Variants in ITGB2 observed in about 807,000 individuals in gnomAD.
ITGB2 encodes the protein integrin beta-2.
Under a neutral mutation model 86.8 loss-of-function variants are expected in ITGB2, and 56 were observed. The ratio of observed to expected loss-of-function variants is 0.65; its 90% CI spans 0.52 to 0.81. The LOEUF (loss-of-function observed/expected upper bound fraction) is 0.81. Ranked by LOEUF, ITGB2 falls within the 30% of genes least tolerant of loss-of-function variation. The pLI is 0.00. For synonymous variants in ITGB2, 457 were observed against 450.4 expected (o/e 1.01, Z -0.19); for missense variants, 948 against 1,061.2 (o/e 0.89, Z 1.48).
At chr21:44,895,287 C>T (rs531332845) in intron 8 of ITGB2, among the ~76,000 whole-genome samples, 1 of 152,232 alleles carries the variant, frequency 6.6e-6, no homozygotes, top group East Asian at 1.9e-4. Flanking sequence ...TACCAGTACT[C>T]GGGAGGCCGA....
At chr21:44,915,084 C>T (rs1185658461) in intron 1 of ITGB2, among the ~76,000 whole-genome samples, 3 of 152,242 alleles carry the variant, frequency 2.0e-5, no homozygotes, top group Middle Eastern at 3.4e-3. Flanking sequence ...AGTGCAGTGG[C>T]GCGATCTCAG....
chr21:44,895,068 G>A lies in ITGB2; in HGVS notation c.994-8C>T. 6.2e-7 allele frequency: 1 copy of A among 1,607,408 alleles called. No homozygotes were observed. On this transcript the variant is annotated splice_polypyrimidine_tract_variant and splice_region_variant and intron_variant, in intron 8 of 15. Coordinates refer to ENST00000652462, the MANE Select transcript of ITGB2 (RefSeq NM_000211.5). ...GATGATCTCGGTGAGTTTCTGTTGG[G>A]CAAGAAGACCAGACATGGCACGGCT...
At chr21:44,888,652 G>T (rs764134210) in intron 14 of ITGB2, 41 bp downstream of exon 14, 1 of 1,596,148 alleles carries the variant, frequency 6.3e-7, no homozygotes, top group South Asian at 1.1e-5. Context: ...CCCGCAGCCG[G>T]AGCTCTGGAG....
At chr21:44,908,334 A>G (rs1033026524) in intron 3 of ITGB2, among the ~76,000 whole-genome samples, 1 of 152,084 alleles carries the variant, frequency 6.6e-6, no homozygotes, top group Non-Finnish European at 1.5e-5. Flanking sequence ...TTGGAAAGAA[A>G]CAGAAGTAAG....
chr21:44,900,051 G>A (rs1172614046), intron 7 of ITGB2, among the ~76,000 whole-genome samples: 2 of 152,208 alleles, frequency 1.3e-5, no homozygotes, highest in Non-Finnish European at 2.9e-5. Context: ...CCAGGTAGGG[G>A]GGCAGTGGGG....
chr21:44,886,831 G>A lies in ITGB2; in HGVS notation c.2152C>T (p.Leu718Phe). ...TVAGIVLIGI[L>F]LLVIWKALIH... ...AGAGCCTTCCAGATGACCAGCAGGA[G>A]AATGCCGATCAGCACGATGCCTGCC... The change falls in exon 15 of 16, where the codon CTC (leucine) becomes TTC (phenylalanine). Residue 718 changes from leucine (L) to phenylalanine (F), a missense_variant. By Grantham distance (22) the Leu-to-Phe change is conservative. Coordinates refer to ENST00000652462, the MANE Select transcript of ITGB2 (RefSeq NM_000211.5). 6.2e-7 allele frequency: 1 copy of A among 1,613,886 alleles called. No homozygotes were observed. The highest frequency in any genetic ancestry group is 1.1e-5 in the South Asian group (1 of 91,086).
upstream of ITGB2, among the ~76,000 whole-genome samples, chr21:44,925,151 T>A (rs112343052): frequency 5.0e-3 from 755 of 150,426 alleles, 7 homozygotes; most frequent in African/African-American, 0.016. Flanking sequence ...TTTTTTTTTT[T>A]AAAGGAGCTA....
chr21:44,905,212 C>T (rs1040372275), intron 4 of ITGB2, among the ~76,000 whole-genome samples: 16 of 152,056 alleles, frequency 1.1e-4, no homozygotes, highest in African/African-American at 2.9e-4. Flanking sequence ...CAGGACCCCG[C>T]GAGAGGACAG....
chr21:44,896,200 G>C (rs963419519), intron 8 of ITGB2, among the ~76,000 whole-genome samples: 4 of 152,240 alleles, frequency 2.6e-5, no homozygotes, highest in Non-Finnish European at 5.9e-5. Context: ...GGGAGGACGT[G>C]CATGGTGGCC....
intron 3 of ITGB2, chr21:44,909,260 C>T (rs80325088): frequency 0.031 from 4,766 of 152,370 alleles, 102 homozygotes; most frequent in Non-Finnish European, 0.047. Context: ...AAGACTGGGA[C>T]GGGGCCACAG....
intron 1 of ITGB2, among the ~76,000 whole-genome samples, chr21:44,917,296 A>C (rs915690252): frequency 1.3e-5 from 2 of 152,298 alleles, no homozygotes; most frequent in East Asian, 3.9e-4. Flanking sequence ...TCGTGGTAAA[A>C]GTGAATTTAT....
Position 44,910,320 on chromosome 21 carries a change from G to C in ITGB2, c.111C>G (p.Ile37Met). 1 of 1,614,142 alleles carries C rather than the reference G, an allele frequency of 6.2e-7. No individual in the cohort carries two copies. Among genetic ancestry groups the C allele is most frequent in the Non-Finnish European group, 8.5e-7 (1 of 1,180,006 alleles). The change falls in exon 3 of 16, where the codon ATC becomes ATG. Residue 37 changes from isoleucine to methionine, a missense_variant. By Grantham distance (10) the Ile-to-Met change is conservative. Transcript: ENST00000652462. ...ACCAGGTGCAGCCGGGCCCCGACTC[G>C]ATGCATTCCCGGCAGCTGCTGACCT... ...KFKVSSCREC[I>M]ESGPGCTWCQ...
exon 1 of ITGB2, chr21:44,928,785 T>G (rs9982872): frequency 0.99 from 98,743 of 100,174 alleles, 48,679 homozygotes; most frequent in African/African-American, 0.99. Flanking sequence ...ACGTGAGGAC[T>G]TCTTTGGGGA....
Position 44,889,163 on chromosome 21 carries a change from A to G in ITGB2, c.1877+113T>C, listed in dbSNP as rs906986525. 5.7e-6 allele frequency: 6 copies of G among 1,053,236 alleles called. No homozygotes were observed. The African/African-American group carries it at 6.2e-5, about 11-fold the overall frequency. 65.2% of individuals were successfully genotyped at this position (1,053,236 alleles called of 1,614,324 possible). ...CCCCTCAGTCCAGACGCACCCGCAG[A>G]GAACCCCGCGGTGCAGAGGTGCTCA... On this transcript the variant is annotated intron_variant, in intron 13 of 15. Transcript: ENST00000652462.
rs1481624939 is a variant in ITGB2 at position 44,901,573 on chromosome 21, C to T, written c.660G>A (p.Glu220=). The part of the protein sequence containing the change: ...LTNNSNQFQT[E]VGKQLISGNL... The stretch of plus-strand genomic sequence containing the variant: ...TTCCGGAAATCAGCTGCTTCCCGAC[C>T]TCGGTCTGAAACTGGTTGGAGTTGT... Residue 220 remains glutamate (E), a synonymous_variant, in exon 6 of 16, where the codon GAG becomes GAA. Coordinates refer to ENST00000652462, the MANE Select transcript of ITGB2 (RefSeq NM_000211.5). 6.2e-7 allele frequency: 1 copy of T among 1,614,268 alleles called. No homozygotes were observed. The highest frequency in any genetic ancestry group is 1.3e-5 in the African/African-American group (1 of 75,064).
intron 6 of ITGB2, 142 bp downstream of exon 6, chr21:44,901,349 GT>G (rs971736599): frequency 1.9e-6 from 2 of 1,027,500 alleles, no homozygotes; most frequent in African/African-American, 3.2e-5. Flanking sequence ...CAGCAGCAGG[GT>G]GAGGAGCTGC....
Position 44,902,273 on chromosome 21 carries a change from A to G in ITGB2, c.500-540T>C, listed in dbSNP as rs574353330. ...TGTGCATGTGAGCATGTCTGTGTGC[A>G]CATGTGGTCTTGCACGTGTGTATGA... is the stretch of plus-strand genomic sequence containing the variant. On this transcript the variant is annotated intron_variant, in intron 5 of 15. Coordinates refer to ENST00000652462, the MANE Select transcript of ITGB2 (RefSeq NM_000211.5). Among the ~76,000 whole-genome samples the G allele has an allele frequency of 5.9e-5, 9 of 152,320 alleles. No individual in the cohort carries two copies. The South Asian group carries it at 1.9e-3, about 32-fold the overall frequency.
intron 1 of ITGB2, chr21:44,911,557 C>T (rs145463127): frequency 0.014 from 2,072 of 152,586 alleles, 23 homozygotes; most frequent in African/African-American, 0.029. Context: ...TTGATGCCCG[C>T]GGGTGCCAAG....
Position 44,890,093 on chromosome 21 carries a change from G to A in ITGB2, c.1542C>T (p.Cys514=), listed in dbSNP as rs2230530. Residue 514 remains cysteine (C), a synonymous_variant, in exon 12 of 16, where the codon TGC becomes TGT. Transcript: ENST00000652462. ...CGCTGGTGTGGCACAGGCACTGCCC[G>A]CAGACACAGTCCCCCAGCCCTGAGC... ...IICSGLGDCV[C]GQCLCHTSDV... is the part of the protein sequence containing the mutation. 1,611 of 1,613,400 alleles carry A rather than the reference G, an allele frequency of 1.0e-3. 13 individuals carry two copies. The African/African-American group carries it at 0.01, about 10-fold the overall frequency.
Sources: allele counts gnomAD v4.1 joint callset (sites outside exome capture counted in the v4.1 genomes callset), GRCh38; gene constraint gnomAD v4.1.1; transcripts MANE v1.5; gene names NCBI Gene and HGNC (gene_info 2026-07-23, HGNC 2026-07-21).